Variants in CEP97 observed in about 807,000 individuals in gnomAD.
CEP97 encodes the protein centrosomal protein of 97 kDa.
CEP97 carries 43 observed loss-of-function variants against 73.1 expected under a neutral mutation model. That is an observed-to-expected ratio of 0.59 (90% confidence interval 0.46 to 0.76). The LOEUF (loss-of-function observed/expected upper bound fraction) is 0.76. Ranked by LOEUF, CEP97 falls within the 30% of genes least tolerant of loss-of-function variation. CEP97 has a pLI of 0.00. For synonymous variants in CEP97, 337 were observed against 370.0 expected (o/e 0.91, Z 1.02); for missense variants, 939 against 1,014.0 (o/e 0.93, Z 1.00).
rs2114302 is a variant in CEP97 at position 101,727,056 on chromosome 3, A to G, written c.186+320A>G. Among the ~76,000 whole-genome samples the G allele has an allele frequency of 7.5e-3, 1,140 of 152,294 alleles. 15 individuals carry two copies. The highest frequency in any genetic ancestry group is 0.026 in the African/African-American group (1,101 of 41,566). On this transcript the variant is annotated intron_variant, in intron 2 of 10. Coordinates refer to ENST00000341893, the MANE Select transcript of CEP97 (RefSeq NM_024548.4). ...GAAATGGTTACTGCGTCCCTCTTAT[A>G]TGTCTGGCACTGTATTAAGTTTTGA...
Position 101,727,542 on chromosome 3 carries a change from G to A in CEP97, c.345+1G>A, listed in dbSNP as rs770955468. 2 of 1,595,452 alleles carry A rather than the reference G, an allele frequency of 1.3e-6. No individual in the cohort carries two copies. The highest frequency in any genetic ancestry group is 3.6e-5 in the Admixed American group (2 of 56,122). The stretch of plus-strand genomic sequence containing the variant: ...GAATTTGGCAGGAAATAATCTTAAG[G>A]TGAATGGTTTCTTTTTTGTTTACAA... On this transcript the variant is annotated splice_donor_variant, in intron 3 of 10. Coordinates refer to ENST00000341893, the MANE Select transcript of CEP97 (RefSeq NM_024548.4). LOFTEE classifies it high-confidence loss of function.
intron 6 of CEP97, among the ~76,000 whole-genome samples, chr3:101,738,322 C>T (rs904702513): frequency 2.6e-5 from 4 of 152,194 alleles, no homozygotes; most frequent in Non-Finnish European, 4.4e-5. Context: ...TAGGACTTGA[C>T]GTCAGCTCTG....
chr3:101,735,955 T>C (rs1280066238), intron 6 of CEP97, among the ~76,000 whole-genome samples: 4 of 152,166 alleles, frequency 2.6e-5, no homozygotes, highest in African/African-American at 7.2e-5. Flanking sequence ...GGGTTGAAAT[T>C]CTTGCTGCCA....
intron 6 of CEP97, among the ~76,000 whole-genome samples, chr3:101,753,867 A>G (rs910149378): frequency 6.6e-6 from 1 of 152,116 alleles, no homozygotes; most frequent in Non-Finnish European, 1.5e-5. Context: ...GAGTGAGGCA[A>G]TGCCTCGCCC....
In CEP97 at chr3:101,726,646, A is replaced by G; in HGVS notation, c.96A>G (p.Leu32=). Reference sequence around the variant, plus strand: ...GACTACAGAAATTAGGTCCAAATTTACCCTGTGAAGCTGATATTCACACTT... The same window carrying G: ...GACTACAGAAATTAGGTCCAAATTTGCCCTGTGAAGCTGATATTCACACTT... ...GQGLQKLGPN[L]PCEADIHTLI... is the part of the protein sequence containing the mutation. Residue 32 remains leucine, a synonymous_variant, in exon 2 of 11, where the codon TTA becomes TTG. Transcript: ENST00000341893. The G allele has an allele frequency of 1.9e-6, 3 of 1,610,760 alleles. No individual in the cohort carries two copies. The highest frequency in any genetic ancestry group is 1.1e-5 in the South Asian group (1 of 90,804).
chr3:101,748,517 C>G (rs1938696875), intron 6 of CEP97, among the ~76,000 whole-genome samples: 1 of 152,056 alleles, frequency 6.6e-6, no homozygotes, highest in Non-Finnish European at 1.5e-5. Context: ...CTACTCTGGA[C>G]CTATTTTTGT....
chr3:101,734,356 A>C (rs868573169), intron 6 of CEP97, among the ~76,000 whole-genome samples: 1 of 152,190 alleles, frequency 6.6e-6, no homozygotes, highest in African/African-American at 2.4e-5. Context: ...TCTGTCTACT[A>C]TGCTTCATTT....
intron 6 of CEP97, among the ~76,000 whole-genome samples, chr3:101,737,922 G>A (rs1324188639): frequency 1.3e-5 from 2 of 149,952 alleles, no homozygotes; most frequent in Non-Finnish European, 3.0e-5. Context: ...AAGAACCATT[G>A]GTGTGCTGCA....
At chr3:101,755,688 C>T (rs1036235522) in intron 7 of CEP97, 94 bp downstream of exon 7, 71 of 1,255,608 alleles carry the variant, frequency 5.7e-5, no homozygotes, top group Middle Eastern at 3.8e-4. Flanking sequence ...GCAAGTGCTG[C>T]GGCCCACATT....
At chr3:101,764,097 A>T (rs910145544) in intron 10 of CEP97, among the ~76,000 whole-genome samples, 1 of 152,182 alleles carries the variant, frequency 6.6e-6, no homozygotes, top group Non-Finnish European at 1.5e-5. Flanking sequence ...AGATAAAGGG[A>T]GTCAGCAGTT....
In CEP97 at chr3:101,731,944, C is replaced by G; in HGVS notation, c.552C>G (p.Asp184Glu). 1 of 1,576,632 alleles carries G rather than the reference C, an allele frequency of 6.3e-7. No individual in the cohort carries two copies. The highest frequency in any genetic ancestry group is 8.7e-7 in the Non-Finnish European group (1 of 1,146,666). Reference sequence around the variant, plus strand: ...CTTTGGCAGAAAATGAAATCCGAGACTTAAATGAGGTAAAATTTGAGGGTA... The same window carrying G: ...CTTTGGCAGAAAATGAAATCCGAGAGTTAAATGAGGTAAAATTTGAGGGTA... ...ILSLAENEIR[D>E]LNEISFLASL... is the part of the protein sequence containing the mutation. The change falls in exon 5 of 11, where the codon GAC (aspartate) becomes GAG (glutamate). Residue 184 changes from aspartate to glutamate, a missense_variant. Physicochemically the swap from Asp to Glu is conservative, Grantham distance 45. Coordinates refer to ENST00000341893, the MANE Select transcript of CEP97 (RefSeq NM_024548.4).
At chr3:101,756,314 C>T (rs1471560915) in intron 7 of CEP97, among the ~76,000 whole-genome samples, 1 of 152,028 alleles carries the variant, frequency 6.6e-6, no homozygotes, top group African/African-American at 2.4e-5. Flanking sequence ...CCGCCTTGGC[C>T]TCCCAAAGTG....
chr3:101,758,365 GA>G lies in CEP97; in HGVS notation c.1762del (p.Ile588SerfsTer13). The G allele has an allele frequency of 5.0e-6, 8 of 1,614,182 alleles. No homozygotes were observed. Among genetic ancestry groups the G allele is most frequent in the Non-Finnish European group, 6.8e-6 (8 of 1,180,036 alleles). ...CCCTCAAGCCAAAGATGTGCGTTACGAAATCCGGCTACGCAGAATGCAAGAG... is the reference window on the plus strand; with the variant it reads ...CCCTCAAGCCAAAGATGTGCGTTACGAATCCGGCTACGCAGAATGCAAGAG... The part of the protein sequence containing the change: ...YNPQAKDVRY[E>X]IRLRRMQEHI... On this transcript the variant is annotated frameshift_variant, in exon 9 of 11. Transcript: ENST00000341893. LOFTEE classifies it high-confidence loss of function.
At chr3:101,734,056 C>T (rs1452713279) in intron 6 of CEP97, among the ~76,000 whole-genome samples, 1 of 151,832 alleles carries the variant, frequency 6.6e-6, no homozygotes, top group Non-Finnish European at 1.5e-5. Flanking sequence ...AAACTCCTGA[C>T]CTCAGGTGAT....
rs1217506056 is a variant in CEP97 at position 101,758,425 on chromosome 3, TG to T, written c.1817+5del. On this transcript the variant is annotated splice_donor_region_variant and intron_variant, in intron 9 of 10. Transcript: ENST00000341893. ...CTGCTTAACTGATGAAATAAGGAGG[TG>T]GGTCAGAAGTCCTTTTGATGCACTG... 6.2e-7 allele frequency: 1 copy of T among 1,613,556 alleles called. No individual in the cohort carries two copies. The highest frequency in any genetic ancestry group is 8.5e-7 in the Non-Finnish European group (1 of 1,180,010).
rs780812135 is a variant in CEP97 at position 101,724,639 on chromosome 3, G to A, written c.-38G>A. ...AGATTACAAGCTCCACAGAGCCGCGGGAGGACGGTTGCCTGGTATTATTAG... is the reference window on the plus strand; with the variant it reads ...AGATTACAAGCTCCACAGAGCCGCGAGAGGACGGTTGCCTGGTATTATTAG... On this transcript the variant is annotated 5_prime_UTR_variant, in exon 1 of 11. Coordinates refer to ENST00000341893, the MANE Select transcript of CEP97 (RefSeq NM_024548.4). 5.6e-6 allele frequency: 9 copies of A among 1,613,592 alleles called. No homozygotes were observed. The highest frequency in any genetic ancestry group is 1.3e-5 in the African/African-American group (1 of 74,936).
intron 6 of CEP97, among the ~76,000 whole-genome samples, chr3:101,741,379 A>G (rs915647784): frequency 6.6e-6 from 1 of 152,224 alleles, no homozygotes; most frequent in African/African-American, 2.4e-5. Context: ...TGACTAAAAC[A>G]TCAAAAGCAA....
At chr3:101,741,649 A>T (rs543279901) in intron 6 of CEP97, among the ~76,000 whole-genome samples, 1 of 152,148 alleles carries the variant, frequency 6.6e-6, no homozygotes, top group Non-Finnish European at 1.5e-5. Flanking sequence ...GCCAACAATC[A>T]TATGAAAAAA....
rs750669634 is a variant in CEP97 at position 101,764,946 on chromosome 3, C to T, written c.1993C>T (p.His665Tyr). The change falls in exon 11 of 11, where the codon CAT (histidine) becomes TAT (tyrosine). Residue 665 changes from histidine (H) to tyrosine (Y), a missense_variant. His to Tyr is a moderately conservative substitution (Grantham distance 83). Transcript: ENST00000341893. ...PISSTLVPSKHPLFTQSQESS... is the reference protein window; with the variant it reads ...PISSTLVPSKYPLFTQSQESS... ...ATCAAGTACTCTTGTGCCATCGAAACATCCATTATTTACCCAAAGCCAGGA... is the reference window on the plus strand; with the variant it reads ...ATCAAGTACTCTTGTGCCATCGAAATATCCATTATTTACCCAAAGCCAGGA... 3.1e-6 allele frequency: 5 copies of T among 1,614,190 alleles called. No individual in the cohort carries two copies. In the South Asian group the frequency reaches 5.5e-5, roughly 18 times the overall value.
Sources: gnomAD v4.1 joint callset for allele counts (sites outside exome capture counted in the v4.1 genomes callset) on GRCh38, gnomAD v4.1.1 for gene constraint, MANE v1.5 for transcripts, NCBI Gene and HGNC (gene_info 2026-07-23, HGNC 2026-07-21) for gene names.